GTF3C1: variants seen among roughly 807,000 people sequenced by gnomAD.
GTF3C1 encodes the protein general transcription factor 3C polypeptide 1.
In GTF3C1, 57 loss-of-function variants were observed where a neutral mutation model predicts 226.7. That is an observed-to-expected ratio of 0.25 (90% CI 0.20 to 0.31). The LOEUF (loss-of-function observed/expected upper bound fraction) is 0.31, where lower values mean the gene tolerates loss of function less well. Among genes scored for constraint, GTF3C1 ranks in the 10% least tolerant of loss-of-function variants. GTF3C1 has a pLI of 1.00. For missense variants in GTF3C1, 2,217 were observed against 2,776.1 expected (o/e 0.80, Z 4.53); for synonymous variants, 1,090 against 1,084.8 (o/e 1.00, Z -0.09).
intron 4 of GTF3C1, among the ~76,000 whole-genome samples, chr16:27,535,473 G>A (rs2088986667): frequency 6.6e-6 from 1 of 151,964 alleles, no homozygotes; most frequent in South Asian, 2.1e-4. Flanking sequence ...TACTTGGGAG[G>A]CTGAGGCAGT....
At position 27,502,844 on chromosome 16, in the gene GTF3C1, CA is replaced by C; in HGVS notation, c.1907+14del. The stretch of plus-strand genomic sequence containing the variant: ...TAGTGCCAGCAGACAGACAGACAGA[CA>C]GACAGCTCCTTACGTGAATAAACTC... On this transcript the variant is annotated intron_variant, in intron 11 of 36. Transcript: ENST00000356183. 6.4e-7 allele frequency: 1 copy of C among 1,555,734 alleles called. No homozygotes were observed. Among genetic ancestry groups the C allele is most frequent in the Non-Finnish European group, 8.7e-7 (1 of 1,149,018 alleles).
rs1400204720 is a variant in GTF3C1, at chr16:27,462,046, T to C, written c.6117+248A>G. On this transcript the variant is annotated intron_variant, in intron 36 of 36. Coordinates refer to ENST00000356183, the MANE Select transcript of GTF3C1 (RefSeq NM_001520.4). This position sits in a 1 kb window ranked among gnomAD's most constrained non-coding sequence, Gnocchi z 4.5. ...GGCGGACTCATGAGTTAGTGACCCCTGGCACAGAGAAAGCATCAGAGACAA... is the reference window on the plus strand; with the variant it reads ...GGCGGACTCATGAGTTAGTGACCCCCGGCACAGAGAAAGCATCAGAGACAA... The C allele has an allele frequency of 1.7e-5, 9 of 541,056 alleles. No individual in the cohort carries two copies. The South Asian group carries it at 2.3e-4, about 14-fold the overall frequency. The allele number at this position is 541,056 out of a possible 1,614,324, so 33.5% of individuals were successfully genotyped here.
chr16:27,545,499 A>G lies in GTF3C1; in HGVS notation c.246T>C (p.Thr82=). The G allele has an allele frequency of 1.2e-6, 2 of 1,608,078 alleles. No individual in the cohort carries two copies. Among genetic ancestry groups the G allele is most frequent in the Non-Finnish European group, 1.7e-6 (2 of 1,174,562 alleles). ...QDRYEEIDLE[T]GILESRRDPV... is the part of the protein sequence containing the mutation. The stretch of plus-strand genomic sequence containing the variant: ...GGTCCCTCCTAGACTCCAAAATTCC[A>G]GTTTCCAAATCAATTTCTTCATACC... The change falls in exon 2 of 37, where the codon ACT becomes ACC. Residue 82 remains threonine (T), a synonymous_variant. Transcript: ENST00000356183.
chr16:27,506,791 G>A, intron 9 of GTF3C1, 56 bp downstream of exon 9: 2 of 1,326,474 alleles, frequency 1.5e-6, no homozygotes, highest in Non-Finnish European at 2.1e-6. Context: ...GGTGTTTCTT[G>A]CAGGTGCCCA....
chr16:27,517,713 A>T (rs1405070719), intron 6 of GTF3C1, among the ~76,000 whole-genome samples: 2 of 151,854 alleles, frequency 1.3e-5, no homozygotes, highest in Non-Finnish European at 2.9e-5. Context: ...AGAAGGAGTG[A>T]CTCCTTAAGG....
rs776331760 is a variant in GTF3C1, at chr16:27,495,213, G to A, written c.2630C>T (p.Thr877Ile). ...WEAEVELATE[T>I]VYVDDASWMR... Reference sequence around the variant, plus strand: ...CAGGAGTGGCAGGGGCCTCTCACCTGTCTCCGTGGCAAGCTCCACTTCAGC... The same window carrying A: ...CAGGAGTGGCAGGGGCCTCTCACCTATCTCCGTGGCAAGCTCCACTTCAGC... Residue 877 changes from threonine (T) to isoleucine (I), a missense_variant and splice_region_variant, in exon 15 of 37, where the codon ACA (threonine) becomes ATA (isoleucine). Thr to Ile is a moderately conservative substitution (Grantham distance 89, BLOSUM62 -1). Around this residue, in one of 12 missense-constraint regions of GTF3C1, gnomAD observed 353 missense variants for 411.7 expected, o/e 0.86. Transcript: ENST00000356183. 3 of 1,608,242 alleles carry A rather than the reference G, an allele frequency of 1.9e-6. No individual in the cohort carries two copies. The South Asian group carries it at 3.3e-5, about 18-fold the overall frequency.
At chr16:27,539,794 C>A (rs944825899) in intron 2 of GTF3C1, among the ~76,000 whole-genome samples, 1 of 152,156 alleles carries the variant, frequency 6.6e-6, no homozygotes, top group Admixed American at 6.5e-5. Flanking sequence ...TTAGTTATCT[C>A]AGGAGTGGGA....
chr16:27,505,798 C>T, intron 10 of GTF3C1, 101 bp downstream of exon 10: 1 of 748,332 alleles, frequency 1.3e-6, no homozygotes, highest in Non-Finnish European at 2.3e-6. Flanking sequence ...AGCACTCTCG[C>T]TGTGGATGAT....
chr16:27,482,432 T>C (rs936186114), intron 26 of GTF3C1: 20 of 455,330 alleles, frequency 4.4e-5, no homozygotes, highest in Non-Finnish European at 7.5e-5. Context: ...CTGACCTCTG[T>C]GGGCCTGTGC....
intron 7 of GTF3C1, among the ~76,000 whole-genome samples, chr16:27,510,494 C>T (rs2088556928): frequency 1.3e-5 from 2 of 152,128 alleles, no homozygotes; most frequent in African/African-American, 2.4e-5. Context: ...GAGGCGGAGG[C>T]TGCAGTGAAC....
At position 27,460,976 on chromosome 16, in the gene GTF3C1, T is replaced by A. The variant is rs1450768735; in HGVS notation, c.*374A>T. 2 of 192,952 alleles carry A rather than the reference T, an allele frequency of 1.0e-5. No homozygotes were observed. Among genetic ancestry groups the A allele is most frequent in the Non-Finnish European group, 2.2e-5 (2 of 92,472 alleles). 12.0% of individuals were successfully genotyped at this position (192,952 alleles called of 1,614,324 possible). ...AAGGTGTATCCCACAAGGCCCTTCC[T>A]CTTGGTGGCACCTGGGCACTCAAGG... On this transcript the variant is annotated 3_prime_UTR_variant, in exon 37 of 37. Transcript: ENST00000356183.
intron 2 of GTF3C1, among the ~76,000 whole-genome samples, chr16:27,543,694 A>G (rs1373168077): frequency 2.0e-5 from 3 of 152,142 alleles, no homozygotes. Context: ...ACCAGCCAAC[A>G]TTTAAGTGGT....
intron 4 of GTF3C1, among the ~76,000 whole-genome samples, chr16:27,535,574 TAAA>T (rs200346693): frequency 2.8e-5 from 2 of 70,538 alleles, no homozygotes; most frequent in Non-Finnish European, 3.1e-5. Flanking sequence ...GACTGTCAAA[TAAA>T]AAAAAAAAAA....
Position 27,511,742 on chromosome 16 carries a change from G to A in GTF3C1, c.1126+7C>T, listed in dbSNP as rs767886768. On this transcript the variant is annotated splice_region_variant and intron_variant, in intron 7 of 36. Transcript: ENST00000356183. ...CATATCCAAGCTGGCATGGGAACAA[G>A]ACTTACTGAGGTCGTAGGTCTGTGT... 1.9e-6 allele frequency: 3 copies of A among 1,613,946 alleles called. No homozygotes were observed. Among genetic ancestry groups the A allele is most frequent in the South Asian group, 1.1e-5 (1 of 91,040 alleles).
chr16:27,520,815 T>A lies in GTF3C1; in HGVS notation c.973+7783A>T, dbSNP rs181803889. 2.1e-3 allele frequency among the ~76,000 whole-genome samples: 314 copies of A among 151,902 alleles called. 3 individuals are homozygous for A. The highest frequency in any genetic ancestry group is 6.7e-3 in the African/African-American group (278 of 41,452). On this transcript the variant is annotated intron_variant, in intron 6 of 36. Coordinates refer to ENST00000356183, the MANE Select transcript of GTF3C1 (RefSeq NM_001520.4). Reference sequence around the variant, plus strand: ...GCTCACTGCAACCTCCGCCTCCCAGTTCAAGCGATTCTCCTGCCTCAGCCT... The same window carrying A: ...GCTCACTGCAACCTCCGCCTCCCAGATCAAGCGATTCTCCTGCCTCAGCCT...
chr16:27,478,275 C>T (rs2087984007), intron 28 of GTF3C1, among the ~76,000 whole-genome samples, 194 bp downstream of exon 28: 1 of 152,190 alleles, frequency 6.6e-6, no homozygotes, highest in African/African-American at 2.4e-5. Flanking sequence ...GTCAACTGTA[C>T]TTACCTCTGA....
intron 27 of GTF3C1, among the ~76,000 whole-genome samples, chr16:27,480,564 T>C (rs2141363689): frequency 6.6e-6 from 1 of 152,282 alleles, no homozygotes. Flanking sequence ...AGAAAAACAG[T>C]GGCTCGAGGG....
chr16:27,481,056 G>A (rs767300419), intron 27 of GTF3C1, 23 bp downstream of exon 27: 39 of 1,592,250 alleles, frequency 2.4e-5, no homozygotes, highest in East Asian at 4.5e-5. Context: ...GGGCCACATG[G>A]AACCATCCCA....
chr16:27,489,528 AGGGC>A, intron 20 of GTF3C1, 70 bp downstream of exon 20: 3 of 1,208,326 alleles, frequency 2.5e-6, no homozygotes, highest in Non-Finnish European at 3.5e-6. Context: ...AAGCCAGACA[AGGGC>A]GGGCAGGCAT....
Sources: allele counts gnomAD v4.1 joint callset (sites outside exome capture counted in the v4.1 genomes callset), GRCh38; gene constraint gnomAD v4.1.1; regional missense constraint gnomAD v4.1.1; non-coding constraint Gnocchi (gnomAD v3.1); transcripts MANE v1.5; gene names NCBI Gene and HGNC (gene_info 2026-07-23, HGNC 2026-07-21).